ARB2A: variants seen among roughly 807,000 people sequenced by gnomAD.
ARB2A encodes the protein cotranscriptional regulator ARB2A.
At chr5:93,676,717 A>G in the ARB2A span, among the ~76,000 whole-genome samples, 1 of 152,236 alleles carries the variant, frequency 6.6e-6, no homozygotes, top group Admixed American at 6.5e-5. Context: ...TTATTCTAAT[A>G]TAATTCTTAA....
the ARB2A span, among the ~76,000 whole-genome samples, chr5:93,789,187 T>A: frequency 6.6e-6 from 1 of 152,238 alleles, no homozygotes; most frequent in Non-Finnish European, 1.5e-5. Flanking sequence ...GTGTTACACA[T>A]ATGTACTGTG....
chr5:94,061,880 A>T, the ARB2A span, among the ~76,000 whole-genome samples: 1 of 152,218 alleles, frequency 6.6e-6, no homozygotes, highest in South Asian at 2.1e-4. Context: ...CTAAAAGTTT[A>T]AATACAATTC....
At chr5:93,744,259 A>G in the ARB2A span, among the ~76,000 whole-genome samples, 185 of 150,660 alleles carry the variant, frequency 1.2e-3, 1 homozygote, top group African/African-American at 4.2e-3. Flanking sequence ...ATCTGGTGAA[A>G]CCCCGTCTCT....
the ARB2A span, among the ~76,000 whole-genome samples, chr5:93,923,315 A>G: frequency 6.6e-6 from 1 of 152,162 alleles, no homozygotes; most frequent in Non-Finnish European, 1.5e-5. Flanking sequence ...GGCTACTAGT[A>G]AATTTGGGGG....
chr5:93,948,962 T>C, the ARB2A span, among the ~76,000 whole-genome samples: 4 of 152,120 alleles, frequency 2.6e-5, no homozygotes, highest in Admixed American at 6.5e-5. Context: ...GTCTTACCTA[T>C]ATCCAGGACT....
the ARB2A span, among the ~76,000 whole-genome samples, chr5:93,823,341 A>C: frequency 6.6e-6 from 1 of 152,198 alleles, no homozygotes; most frequent in South Asian, 2.1e-4. Flanking sequence ...ACATAATCTT[A>C]ACTCCAAGAA....
the ARB2A span, chr5:93,741,310 G>A: frequency 6.2e-7 from 1 of 1,613,468 alleles, no homozygotes; most frequent in Non-Finnish European, 8.5e-7. Context: ...TGCCTCACTA[G>A]CTCCAAGACG....
At chr5:94,049,918 A>T in the ARB2A span, among the ~76,000 whole-genome samples, 1 of 152,180 alleles carries the variant, frequency 6.6e-6, no homozygotes, top group Non-Finnish European at 1.5e-5. Context: ...CATGGGAAGT[A>T]TAAGTTTGTG....
chr5:94,044,013 CATT>C, the ARB2A span, among the ~76,000 whole-genome samples: 14 of 152,160 alleles, frequency 9.2e-5, no homozygotes, highest in East Asian at 2.5e-3. Flanking sequence ...TTTCTAGTCT[CATT>C]AGTTGTTTTT....
chr5:93,733,146 T>C, the ARB2A span: 1 of 152,050 alleles, frequency 6.6e-6, no homozygotes, highest in Non-Finnish European at 1.5e-5. Flanking sequence ...AATTTCTGCA[T>C]GACCACTCTT....
At chr5:93,831,047 A>G in the ARB2A span, among the ~76,000 whole-genome samples, 1 of 152,116 alleles carries the variant, frequency 6.6e-6, no homozygotes, top group Non-Finnish European at 1.5e-5. Flanking sequence ...ATAAGAATCT[A>G]ATACTGCAGC....
At chr5:93,969,023 T>C in the ARB2A span, among the ~76,000 whole-genome samples, 29 of 149,522 alleles carry the variant, frequency 1.9e-4, no homozygotes, top group South Asian at 4.2e-4. Flanking sequence ...TTTTTCTTTT[T>C]TTTTTTTTTT....
At chr5:93,857,164 C>T in the ARB2A span, among the ~76,000 whole-genome samples, 95 of 152,196 alleles carry the variant, frequency 6.2e-4, no homozygotes, top group East Asian at 0.016. Flanking sequence ...GAGGAGTACC[C>T]GGCTGTGTGA....
the ARB2A span, among the ~76,000 whole-genome samples, chr5:94,056,413 A>T: frequency 6.6e-6 from 1 of 152,202 alleles, no homozygotes; most frequent in African/African-American, 2.4e-5. Flanking sequence ...CTGCTTTGTA[A>T]GAGAAAAGCA....
the ARB2A span, among the ~76,000 whole-genome samples, chr5:94,020,409 G>C: frequency 2.0e-5 from 3 of 152,072 alleles, no homozygotes; most frequent in Admixed American, 2.0e-4. Flanking sequence ...ATGTATGCCA[G>C]AACTTAAAGT....
the ARB2A span, among the ~76,000 whole-genome samples, chr5:93,627,891 T>C: frequency 6.6e-6 from 1 of 152,118 alleles, no homozygotes; most frequent in Non-Finnish European, 1.5e-5. Context: ...AAGTGTACTG[T>C]CAAGGAGTGA....
the ARB2A span, among the ~76,000 whole-genome samples, chr5:93,937,987 G>A: frequency 6.6e-6 from 1 of 152,148 alleles, no homozygotes; most frequent in Non-Finnish European, 1.5e-5. Context: ...ATGGTTGGAA[G>A]AATCCATAGT....
At chr5:93,870,695 T>C in the ARB2A span, among the ~76,000 whole-genome samples, 1 of 152,186 alleles carries the variant, frequency 6.6e-6, no homozygotes, top group Non-Finnish European at 1.5e-5. Context: ...GATACCAAAC[T>C]ATACTAGTAG....
the ARB2A span, among the ~76,000 whole-genome samples, chr5:93,728,166 G>A: frequency 6.6e-6 from 1 of 151,910 alleles, no homozygotes; most frequent in Non-Finnish European, 1.5e-5. Flanking sequence ...TTCTTACAAA[G>A]GTGGTTGGTT....
Sources: allele counts gnomAD v4.1 joint callset (sites outside exome capture counted in the v4.1 genomes callset), GRCh38; gene constraint gnomAD v4.1.1; transcripts MANE v1.5; gene names NCBI Gene and HGNC (gene_info 2026-07-23, HGNC 2026-07-21).